XKR6: variants seen among roughly 807,000 people sequenced by gnomAD.
XKR6 encodes the protein XK-related protein 6.
Under a neutral mutation model 56.7 loss-of-function variants are expected in XKR6, and 22 were observed. That is an observed-to-expected ratio of 0.39 (90% CI 0.28 to 0.55). The LOEUF (loss-of-function observed/expected upper bound fraction) is 0.55. XKR6 is among the 20% of genes least tolerant of loss of function. The pLI is 0.66. For missense variants in XKR6, 852 were observed against 889.0 expected, an observed-to-expected ratio of 0.96 and a Z score of 0.53; for synonymous variants, 524 against 387.8, an observed-to-expected ratio of 1.35 and a Z score of -4.13.
chr8:11,088,525 C>T (rs541791871), intron 1 of XKR6, among the ~76,000 whole-genome samples: 1 of 152,290 alleles, frequency 6.6e-6, no homozygotes, highest in African/African-American at 2.4e-5. Flanking sequence ...AATCTAGGCT[C>T]TCAGTAAATG....
At chr8:11,165,090 CTTTTTTTTTTTTTTT>C (rs35783491) in intron 1 of XKR6, among the ~76,000 whole-genome samples, 4 of 82,472 alleles carry the variant, frequency 4.9e-5, no homozygotes, top group South Asian at 4.7e-4. Context: ...AGGCTATCAC[CTTTTTTTTTTTTTTT>C]TTTTTTTTTT....
chr8:11,145,176 T>C (rs996014154), intron 1 of XKR6, among the ~76,000 whole-genome samples: 1 of 152,172 alleles, frequency 6.6e-6, no homozygotes, highest in Admixed American at 6.5e-5. Context: ...TGGAGCATTT[T>C]GGATTTCAGA....
At chr8:11,026,061 C>A (rs1266034310) in intron 1 of XKR6, among the ~76,000 whole-genome samples, 1 of 152,192 alleles carries the variant, frequency 6.6e-6, no homozygotes, top group Non-Finnish European at 1.5e-5. Flanking sequence ...AACGGGGATA[C>A]ATTCTGAGAA....
intron 1 of XKR6, among the ~76,000 whole-genome samples, chr8:11,102,321 C>T (rs186208036): frequency 3.6e-4 from 55 of 152,288 alleles, no homozygotes; most frequent in Middle Eastern, 6.8e-3. Flanking sequence ...ATGGCAACTC[C>T]ATGCTTTGTG....
intron 1 of XKR6, among the ~76,000 whole-genome samples, chr8:10,973,179 A>G (rs1349902962): frequency 1.3e-5 from 2 of 152,250 alleles, no homozygotes; most frequent in Admixed American, 1.3e-4. Flanking sequence ...CTATTTTGAA[A>G]GAGTGAGCTT....
At chr8:11,007,855 G>C (rs904832021) in intron 1 of XKR6, among the ~76,000 whole-genome samples, 30 of 151,998 alleles carry the variant, frequency 2.0e-4, no homozygotes, top group Admixed American at 1.6e-3. Flanking sequence ...CGGTAGGAGA[G>C]GTAAAATTCG....
chr8:10,942,423 G>C (rs986649015), intron 1 of XKR6, among the ~76,000 whole-genome samples: 1 of 152,220 alleles, frequency 6.6e-6, no homozygotes, highest in Non-Finnish European at 1.5e-5. Context: ...CTGGATTGCT[G>C]TGGGCGAGGT....
chr8:10,918,538 C>G (rs1800625679), intron 2 of XKR6, among the ~76,000 whole-genome samples: 1 of 152,244 alleles, frequency 6.6e-6, no homozygotes, highest in Non-Finnish European at 1.5e-5. Context: ...AGAATCCGCA[C>G]AGATTTATCT....
Position 11,201,222 on chromosome 8 carries a change from CGCA to C in XKR6, c.115_117del (p.Cys39del). The C allele has an allele frequency of 6.5e-7, 1 of 1,539,832 alleles. No individual in the cohort carries two copies. Among genetic ancestry groups the C allele is most frequent in the Non-Finnish European group, 8.7e-7 (1 of 1,150,772 alleles). On this transcript the variant is annotated inframe_deletion, in exon 1 of 3. Coordinates refer to ENST00000416569, the MANE Select transcript of XKR6 (RefSeq NM_173683.4). ...GGCTCGCTGCCGTCGCCGCCGCCGC[CGCA>C]GCCGCCTCCCCCGGGCTCCCCGTCC...
intron 1 of XKR6, among the ~76,000 whole-genome samples, chr8:11,018,385 C>T (rs889000227): frequency 2.0e-5 from 3 of 152,194 alleles, no homozygotes; most frequent in African/African-American, 4.8e-5. Flanking sequence ...AGCATCCCAG[C>T]GCCTTCCTCC....
At chr8:11,187,225 T>G (rs995745025) in intron 1 of XKR6, among the ~76,000 whole-genome samples, 2 of 152,224 alleles carry the variant, frequency 1.3e-5, no homozygotes, top group Non-Finnish European at 2.9e-5. Context: ...GGCTAGGTTT[T>G]GGAGGCAGAA....
At chr8:10,964,622 G>T (rs1447646297) in intron 1 of XKR6, among the ~76,000 whole-genome samples, 2 of 152,100 alleles carry the variant, frequency 1.3e-5, no homozygotes, top group East Asian at 1.9e-4. Context: ...GCCCCCTGAG[G>T]TCCTCCCAAC....
At chr8:10,928,081 C>T (rs1448309739) in intron 1 of XKR6, among the ~76,000 whole-genome samples, 1 of 152,214 alleles carries the variant, frequency 6.6e-6, no homozygotes, top group Non-Finnish European at 1.5e-5. Flanking sequence ...CCGAGGGGTA[C>T]TGGTTTGCAA....
At chr8:11,016,447 G>A (rs1165321691) in intron 1 of XKR6, among the ~76,000 whole-genome samples, 2 of 152,186 alleles carry the variant, frequency 1.3e-5, no homozygotes, top group Admixed American at 6.5e-5. Context: ...CTGGGGGCGG[G>A]GTCTCTCGAG....
In XKR6 at chr8:10,896,756, C is replaced by G. The variant is rs1407837133; in HGVS notation, c.*1196G>C. On this transcript the variant is annotated 3_prime_UTR_variant, in exon 3 of 3. Transcript: ENST00000416569. ...TATATATATATATTCTAGTTTTCCT[C>G]TTTGTGTTATTTTTTTTTTTAAAAA... The G allele has an allele frequency of 1.6e-5, 2 of 123,528 alleles. No homozygotes were observed. The highest frequency in any genetic ancestry group is 1.7e-5 in the Non-Finnish European group (1 of 58,876). The allele number at this position is 123,528 out of a possible 1,614,324, so 7.7% of individuals were successfully genotyped here. A position where few individuals can be genotyped will look rare whatever the true frequency, so the allele number is the denominator to read the frequency against.
chr8:11,146,555 GGAGA>G (rs200401662), intron 1 of XKR6, among the ~76,000 whole-genome samples: 1 of 151,746 alleles, frequency 6.6e-6, no homozygotes, highest in African/African-American at 2.4e-5. Context: ...CCTGAGCCTA[GGAGA>G]GAGAGGCTGC....
In XKR6 at chr8:11,088,256, C is replaced by T. The variant is rs947168119; in HGVS notation, c.764+112320G>A. On this transcript the variant is annotated intron_variant, in intron 1 of 2. Transcript: ENST00000416569. ...TGTTAAATATCTACTTGAGCCCTTC[C>T]CAAAAAAAGGATTTCACAGAAACCC... Among the ~76,000 whole-genome samples, 3 of 103,262 alleles carry T rather than the reference C, an allele frequency of 2.9e-5. 1 individual carries two copies. The highest frequency in any genetic ancestry group is 2.3e-4 in the Admixed American group (3 of 12,846). 67.7% of individuals were successfully genotyped at this position (103,262 alleles called of 152,430 possible).
intron 1 of XKR6, among the ~76,000 whole-genome samples, chr8:11,039,953 G>C (rs57881531): frequency 2.0e-5 from 3 of 152,140 alleles, no homozygotes; most frequent in African/African-American, 7.2e-5. Context: ...AACTGCTAAG[G>C]TGCTGAATTA....
chr8:10,972,925 C>T (rs1264287000), intron 1 of XKR6, among the ~76,000 whole-genome samples: 2 of 152,112 alleles, frequency 1.3e-5, no homozygotes, highest in Admixed American at 6.6e-5. Context: ...ACCAAGAGTC[C>T]TGTGCACAGG....
Sources: gnomAD v4.1 joint callset for allele counts (sites outside exome capture counted in the v4.1 genomes callset) on GRCh38, gnomAD v4.1.1 for gene constraint, MANE v1.5 for transcripts, NCBI Gene and HGNC (gene_info 2026-07-23, HGNC 2026-07-21) for gene names.